Variants in PCDHA7 observed in about 807,000 individuals in gnomAD.
PCDHA7 encodes the protein protocadherin alpha-7.
A neutral mutation model predicts 57.2 loss-of-function variants in PCDHA7; 37 were observed. The ratio of observed to expected loss-of-function variants is 0.65; its 90% confidence interval spans 0.50 to 0.85. The LOEUF (loss-of-function observed/expected upper bound fraction) is 0.85. Ranked by LOEUF, PCDHA7 falls within the 40% of genes least tolerant of loss-of-function variation. The pLI is 0.00. For missense variants in PCDHA7, 1,188 were observed against 1,241.8 expected (o/e 0.96, Z 0.65); for synonymous variants, 553 against 558.8 (o/e 0.99, Z 0.15).
chr5:140,898,913 G>T (rs1554188302), intron 1 of PCDHA7, among the ~76,000 whole-genome samples: 1 of 152,066 alleles, frequency 6.6e-6, no homozygotes, highest in Non-Finnish European at 1.5e-5. Context: ...CACGTCCCTT[G>T]TAAGTTGGAT....
chr5:140,840,527 A>G (rs1776748487), intron 1 of PCDHA7, among the ~76,000 whole-genome samples: 1 of 152,080 alleles, frequency 6.6e-6, no homozygotes, highest in African/African-American at 2.4e-5. Context: ...AGAAAGATGA[A>G]GAACTAACAA....
chr5:140,968,489 C>T (rs1024952304), intron 1 of PCDHA7: 30 of 1,614,008 alleles, frequency 1.9e-5, no homozygotes, highest in Non-Finnish European at 2.5e-5. Context: ...CATGAATGAC[C>T]ATGCCCCTCA....
rs781876036 is a variant in PCDHA7 at position 140,857,534 on chromosome 5, C to T, written c.2355+20796C>T. The T allele has an allele frequency of 1.3e-5, 20 of 1,597,344 alleles. 2 individuals are homozygous for T. The highest frequency in any genetic ancestry group is 1.5e-5 in the Non-Finnish European group (18 of 1,167,750). On this transcript the variant is annotated intron_variant, in intron 1 of 3. Transcript: ENST00000525929. ...CCTGGTGTCCTACTCTCTGGTGGAG[C>T]GGCGGTTGGGCGAGCGCTCGCTGTC...
Position 140,967,485 on chromosome 5 carries a change from C to T in PCDHA7, c.2356-11464C>T, listed in dbSNP as rs781948599. 7 of 1,613,056 alleles carry T rather than the reference C, an allele frequency of 4.3e-6. No individual in the cohort carries two copies. The South Asian group carries it at 5.5e-5, about 13-fold the overall frequency. On this transcript the variant is annotated intron_variant, in intron 1 of 3. Coordinates refer to ENST00000525929, the MANE Select transcript of PCDHA7 (RefSeq NM_018910.3). ...GGGGGCATCCCAGCCCGCTCGGGTA[C>T]GGCACAGATCTCTGTGCGTGTCCTG...
At chr5:140,860,151 GTGTATATATATA>G (rs1350684051) in intron 1 of PCDHA7, 1 of 149,616 alleles carries the variant, frequency 6.7e-6, no homozygotes, top group African/African-American at 2.5e-5. Context: ...ATGTATATAT[GTGTATATATATA>G]TGTATATATA....
Position 140,843,367 on chromosome 5 carries a change from G to A in PCDHA7, c.2355+6629G>A, listed in dbSNP as rs2150358389. The stretch of plus-strand genomic sequence containing the variant: ...AGGCTCCAAAAGCGTCATCGAGGCA[G>A]TCGGCTGGCGTTTTGGGTCCGGAAG... On this transcript the variant is annotated intron_variant, in intron 1 of 3. Coordinates refer to ENST00000525929, the MANE Select transcript of PCDHA7 (RefSeq NM_018910.3). 3 of 1,596,142 alleles carry A rather than the reference G, an allele frequency of 1.9e-6. No homozygotes were observed. In the East Asian group the frequency reaches 6.7e-5, roughly 36 times the overall value.
intron 1 of PCDHA7, chr5:140,859,934 A>G (rs2046100230): frequency 1.3e-5 from 2 of 152,070 alleles, no homozygotes; most frequent in Non-Finnish European, 2.9e-5. Flanking sequence ...TAAAAAACTT[A>G]GTAAAAACTC....
chr5:141,003,273 G>A (rs782391603), intron 3 of PCDHA7, among the ~76,000 whole-genome samples: 5 of 152,214 alleles, frequency 3.3e-5, no homozygotes, highest in Admixed American at 6.5e-5. Context: ...TAAGGGAAGT[G>A]CCCAAATTGG....
chr5:140,946,080 A>T lies in PCDHA7; in HGVS notation c.2356-32869A>T, dbSNP rs74501731. ...GGGAGAAAATATTTGCAAACCACAG[A>T]TCTGATAAGGAGTTAACATACCAAA... On this transcript the variant is annotated intron_variant, in intron 1 of 3. Coordinates refer to ENST00000525929, the MANE Select transcript of PCDHA7 (RefSeq NM_018910.3). Among the ~76,000 whole-genome samples, 867 of 152,226 alleles carry T rather than the reference A, an allele frequency of 5.7e-3. 6 individuals carry two copies. Among genetic ancestry groups the T allele is most frequent in the African/African-American group, 0.02 (843 of 41,572 alleles).
chr5:140,891,096 T>A (rs926770209), intron 1 of PCDHA7, among the ~76,000 whole-genome samples: 1 of 152,210 alleles, frequency 6.6e-6, no homozygotes, highest in African/African-American at 2.4e-5. Context: ...ATTGTTGCTG[T>A]CAAGAATTTA....
At chr5:140,872,812 C>G (rs1233699706) in intron 1 of PCDHA7, among the ~76,000 whole-genome samples, 2 of 152,144 alleles carry the variant, frequency 1.3e-5, no homozygotes, top group African/African-American at 4.8e-5. Context: ...ATAAGTTTTT[C>G]AGATTCATCT....
intron 1 of PCDHA7, chr5:140,842,095 A>G: frequency 6.2e-7 from 1 of 1,613,924 alleles, no homozygotes; most frequent in Non-Finnish European, 8.5e-7. Flanking sequence ...CAGACAACGG[A>G]ACAACAGTTA....
rs2150329833 is a variant in PCDHA7, at chr5:140,842,126, C to A, written c.2355+5388C>A. The A allele has an allele frequency of 5.7e-5, 92 of 1,613,822 alleles. 1 individual carries two copies. The East Asian group carries it at 1.8e-3, about 32-fold the overall frequency. ...AGTTATCAAACTGAATGCTTCTGAT[C>A]CGGATGAAGGAGCCAATGGGGCAAT... On this transcript the variant is annotated intron_variant, in intron 1 of 3. Transcript: ENST00000525929.
chr5:140,848,541 C>T (rs2150412469), intron 1 of PCDHA7: 3 of 1,595,306 alleles, frequency 1.9e-6, no homozygotes, highest in African/African-American at 1.3e-5. Context: ...GCCTCTACTG[C>T]TCTCGCTTCT....
chr5:140,856,900 C>A, intron 1 of PCDHA7: 1 of 1,596,130 alleles, frequency 6.3e-7, no homozygotes, highest in Non-Finnish European at 8.6e-7. Flanking sequence ...GCTCTTTGGT[C>A]CCACCCACGA....
intron 1 of PCDHA7, among the ~76,000 whole-genome samples, chr5:140,971,957 AC>A (rs1360214556): frequency 6.6e-6 from 1 of 152,060 alleles, no homozygotes; most frequent in Non-Finnish European, 1.5e-5. Flanking sequence ...GACTCCAAAA[AC>A]TTTTTTTCAA....
chr5:140,974,330 A>G (rs542172748), intron 1 of PCDHA7, among the ~76,000 whole-genome samples: 1 of 152,346 alleles, frequency 6.6e-6, no homozygotes, highest in African/African-American at 2.4e-5. Flanking sequence ...CTGCTGTGCT[A>G]GCAGGCTATG....
chr5:140,914,377 G>C (rs2076685968), intron 1 of PCDHA7, among the ~76,000 whole-genome samples: 1 of 152,090 alleles, frequency 6.6e-6, no homozygotes, highest in Non-Finnish European at 1.5e-5. Flanking sequence ...TATTTTATCT[G>C]TTATAAGTGT....
intron 1 of PCDHA7, chr5:140,968,943 T>G (rs1429261485): frequency 1.2e-6 from 2 of 1,614,128 alleles, no homozygotes; most frequent in Non-Finnish European, 1.7e-6. Context: ...ATCATCATTT[T>G]GAGCATCATC....
Sources: allele counts gnomAD v4.1 joint callset (sites outside exome capture counted in the v4.1 genomes callset), GRCh38; gene constraint gnomAD v4.1.1; transcripts MANE v1.5; gene names NCBI Gene and HGNC (gene_info 2026-07-23, HGNC 2026-07-21).